The following SLC14A2 variants were observed in gnomAD, a reference collection of about 807,000 sequenced individuals.
The protein encoded by SLC14A2 is solute carrier family 14 member 2, also known as urea transporter 2.
SLC14A2 carries 91 observed loss-of-function variants against 104.6 expected under a neutral mutation model. The observed-to-expected ratio is 0.87, with a 90% confidence interval of 0.73 to 1.04. The LOEUF (loss-of-function observed/expected upper bound fraction) is 1.04. Ranked by LOEUF, SLC14A2 falls within the 50% of genes least tolerant of loss-of-function variation. The probability of loss-of-function intolerance (pLI) is 0.00; values close to 1 mark genes in which losing one functional copy is unlikely to be tolerated. For missense variants in SLC14A2, 1,189 were observed against 1,156.0 expected, an observed-to-expected ratio of 1.03 and a Z score of -0.41; for synonymous variants, 476 against 466.4, an observed-to-expected ratio of 1.02 and a Z score of -0.27.
At chr18:45,549,288 G>A (rs558388520) in intron 2 of SLC14A2, among the ~76,000 whole-genome samples, 1 of 152,336 alleles carries the variant, frequency 6.6e-6, no homozygotes, top group East Asian at 1.9e-4. Context: ...GAAGGACTAC[G>A]ATGTGCTGGG....
intron 1 of SLC14A2, among the ~76,000 whole-genome samples, chr18:45,265,181 G>A (rs971037358): frequency 1.3e-5 from 2 of 152,138 alleles, no homozygotes; most frequent in African/African-American, 4.8e-5. Flanking sequence ...TGTTGAGGTT[G>A]GATCAGAAGT....
chr18:45,396,673 T>TTA (rs1743481663), intron 1 of SLC14A2, among the ~76,000 whole-genome samples: 1 of 141,122 alleles, frequency 7.1e-6, no homozygotes, highest in South Asian at 2.3e-4. Context: ...TCTTTTTTTT[T>TTA]AACTTTTATT....
chr18:45,512,161 G>T (rs1194226605), intron 2 of SLC14A2, among the ~76,000 whole-genome samples: 2 of 152,200 alleles, frequency 1.3e-5, no homozygotes, highest in Non-Finnish European at 2.9e-5. Flanking sequence ...AGCAGAAAGA[G>T]AAATGCTTGG....
At chr18:45,265,578 C>T (rs1038134599) in intron 1 of SLC14A2, among the ~76,000 whole-genome samples, 1 of 152,136 alleles carries the variant, frequency 6.6e-6, no homozygotes, top group Non-Finnish European at 1.5e-5. Flanking sequence ...TGAGAGAGCA[C>T]CATCAGAGAC....
At chr18:45,351,033 C>T (rs549811051) in intron 1 of SLC14A2, among the ~76,000 whole-genome samples, 2 of 152,108 alleles carry the variant, frequency 1.3e-5, no homozygotes, top group South Asian at 2.1e-4. Context: ...AACTCCACAC[C>T]GTCTCTCCCT....
intron 1 of SLC14A2, among the ~76,000 whole-genome samples, chr18:45,319,185 G>A (rs1009866982): frequency 2.6e-5 from 4 of 152,112 alleles, no homozygotes; most frequent in Non-Finnish European, 5.9e-5. Flanking sequence ...TCCCTTCCAT[G>A]CTTTGAGGCT....
intron 2 of SLC14A2, among the ~76,000 whole-genome samples, chr18:45,563,742 G>A (rs1003081376): frequency 1.3e-5 from 2 of 152,060 alleles, no homozygotes; most frequent in African/African-American, 4.8e-5. Context: ...ACTTTATAGA[G>A]GGAATACAAA....
chr18:45,535,125 A>G (rs1438249751), intron 2 of SLC14A2, among the ~76,000 whole-genome samples: 1 of 152,156 alleles, frequency 6.6e-6, no homozygotes, highest in Non-Finnish European at 1.5e-5. Context: ...ATGTTTGGAG[A>G]TCTTTCCAAA....
At chr18:45,202,327 T>A in the SLC14A2 span, among the ~76,000 whole-genome samples, 3 of 152,142 alleles carry the variant, frequency 2.0e-5, no homozygotes, top group African/African-American at 4.8e-5. Context: ...AGGGAGTTGA[T>A]CCTTAGGATA....
intron 18 of SLC14A2, 133 bp from the exon 19 acceptor site, chr18:45,678,842 A>T: frequency 1.3e-6 from 1 of 783,596 alleles, no homozygotes. Context: ...TGGAAACATA[A>T]CTCAAATTTT....
intron 1 of SLC14A2, among the ~76,000 whole-genome samples, chr18:45,426,979 A>G (rs1220958287): frequency 1.3e-5 from 2 of 152,058 alleles, no homozygotes; most frequent in East Asian, 1.9e-4. Flanking sequence ...TTCAGATGCC[A>G]ATTTTTTTCA....
At chr18:45,349,412 A>G (rs60714190) in intron 1 of SLC14A2, among the ~76,000 whole-genome samples, 3,564 of 152,326 alleles carry the variant, frequency 0.023, 143 homozygotes, top group African/African-American at 0.081. Flanking sequence ...CTGTTGTTTT[A>G]ATAAGTTTGC....
chr18:45,175,486 TTGTG>T, the SLC14A2 span, among the ~76,000 whole-genome samples: 1 of 152,108 alleles, frequency 6.6e-6, no homozygotes, highest in Non-Finnish European at 1.5e-5. Flanking sequence ...GCTGAGGTCT[TTGTG>T]TGTTAACTGG....
intron 1 of SLC14A2, among the ~76,000 whole-genome samples, chr18:45,384,282 G>A (rs1008507734): frequency 9.2e-5 from 14 of 152,136 alleles, no homozygotes; most frequent in Admixed American, 6.5e-4. Flanking sequence ...CTCACCTCCC[G>A]CAGTTGGTGA....
In SLC14A2 at chr18:45,320,534, G is replaced by A. The variant is rs941263440; in HGVS notation, c.-125+107343G>A. On this transcript the variant is annotated intron_variant, in intron 1 of 20. Transcript: ENST00000586448. ...ACGTCTTCTTGCTTTCCTGTAAATC[G>A]CAGACTGGGGCTGACACCTTGCAGT... Among the ~76,000 whole-genome samples, 4 of 152,068 alleles carry A rather than the reference G, an allele frequency of 2.6e-5. No individual in the cohort carries two copies. In the East Asian group the frequency reaches 7.7e-4, roughly 29 times the overall value.
chr18:45,598,725 C>G (rs1036528450), intron 2 of SLC14A2, among the ~76,000 whole-genome samples: 1 of 152,142 alleles, frequency 6.6e-6, no homozygotes, highest in Non-Finnish European at 1.5e-5. Flanking sequence ...CATCAGGGAC[C>G]TGGACTCTTG....
At chr18:45,174,871 G>A in the SLC14A2 span, among the ~76,000 whole-genome samples, 1 of 152,126 alleles carries the variant, frequency 6.6e-6, no homozygotes, top group Admixed American at 6.5e-5. Context: ...ATGAAAAGAT[G>A]CATGAGCTCA....
At chr18:45,601,137 C>A (rs2044785689) in intron 2 of SLC14A2, among the ~76,000 whole-genome samples, 1 of 152,234 alleles carries the variant, frequency 6.6e-6, no homozygotes, top group Non-Finnish European at 1.5e-5. Flanking sequence ...CAGTGCTGCA[C>A]CACATGGTAT....
intron 2 of SLC14A2, among the ~76,000 whole-genome samples, chr18:45,524,777 G>T (rs756420783): frequency 2.0e-5 from 3 of 152,026 alleles, no homozygotes; most frequent in Non-Finnish European, 2.9e-5. Context: ...TGCCTTATCT[G>T]GCCTCAGCTG....
Sources: gnomAD v4.1 joint callset for allele counts (sites outside exome capture counted in the v4.1 genomes callset) on GRCh38, gnomAD v4.1.1 for gene constraint, MANE v1.5 for transcripts, NCBI Gene and HGNC (gene_info 2026-07-23, HGNC 2026-07-21) for gene names.